The following CNTN5 variants were observed in gnomAD, a reference collection of about 807,000 sequenced individuals.
The protein encoded by CNTN5 is contactin 5.
In CNTN5, 77 loss-of-function variants were observed where a neutral mutation model predicts 129.1. That is an observed-to-expected ratio of 0.60 (90% CI 0.50 to 0.72). The LOEUF (loss-of-function observed/expected upper bound fraction) is 0.72, where lower values mean the gene tolerates loss of function less well. Ranked by LOEUF, CNTN5 falls within the 30% of genes least tolerant of loss-of-function variation. The pLI is 0.00. For missense variants in CNTN5, 1,478 were observed against 1,328.8 expected (o/e 1.11, Z -1.75); for synonymous variants, 509 against 465.6 (o/e 1.09, Z -1.20).
chr11:99,396,461 C>T (rs1191670253), intron 2 of CNTN5, among the ~76,000 whole-genome samples: 2 of 151,224 alleles, frequency 1.3e-5, no homozygotes, highest in East Asian at 3.9e-4. Flanking sequence ...TAAAACAGGA[C>T]CTGTTTTTAT....
At position 99,407,445 on chromosome 11, in the gene CNTN5, T is replaced by TA. The variant is rs1555137285; in HGVS notation, c.-71+81961_-71+81962insA. Among the ~76,000 whole-genome samples the TA allele has an allele frequency of 1.3e-5, 2 of 151,910 alleles. 1 individual carries two copies. The highest frequency in any genetic ancestry group is 4.1e-4 in the South Asian group (2 of 4,828). ...TATCCAAGATGCAAGGCAAAGTCCT[T>TA]CCACTCTTCTGTCTCCTCTCCTAAA... On this transcript the variant is annotated intron_variant, in intron 2 of 24. Coordinates refer to ENST00000524871, the MANE Select transcript of CNTN5 (RefSeq NM_014361.4).
At chr11:99,409,712 G>C (rs1375778379) in intron 2 of CNTN5, among the ~76,000 whole-genome samples, 4 of 152,176 alleles carry the variant, frequency 2.6e-5, no homozygotes, top group Non-Finnish European at 5.9e-5. Context: ...ATGGAACCGA[G>C]TGAACTCGTT....
chr11:99,239,709 G>A (rs984538226), intron 1 of CNTN5, among the ~76,000 whole-genome samples: 14 of 152,152 alleles, frequency 9.2e-5, no homozygotes. Flanking sequence ...GCCGAGGCGG[G>A]CGGATCACGA....
intron 1 of CNTN5, among the ~76,000 whole-genome samples, chr11:99,241,934 A>G (rs1290115346): frequency 1.3e-5 from 2 of 152,080 alleles, no homozygotes; most frequent in Non-Finnish European, 2.9e-5. Context: ...ACACACATAC[A>G]TACACACACA....
At chr11:99,107,593 T>A (rs937744443) in intron 1 of CNTN5, among the ~76,000 whole-genome samples, 10 of 152,148 alleles carry the variant, frequency 6.6e-5, no homozygotes, top group African/African-American at 2.4e-4. Context: ...GCAATGAGCT[T>A]AAAGTTTACA....
At chr11:99,315,833 G>A (rs930897952) in intron 1 of CNTN5, among the ~76,000 whole-genome samples, 1 of 148,812 alleles carries the variant, frequency 6.7e-6, no homozygotes, top group African/African-American at 2.4e-5. Context: ...TTTTCATAGA[G>A]TATTTCTTTT....
At chr11:99,283,874 A>C (rs1483663792) in intron 1 of CNTN5, among the ~76,000 whole-genome samples, 1 of 152,170 alleles carries the variant, frequency 6.6e-6, no homozygotes, top group Non-Finnish European at 1.5e-5. Context: ...AAAAGGGTTA[A>C]CTGATACCAT....
At chr11:100,303,375 A>G (rs1951272506) in intron 20 of CNTN5, among the ~76,000 whole-genome samples, 1 of 151,616 alleles carries the variant, frequency 6.6e-6, no homozygotes, top group African/African-American at 2.4e-5. Context: ...CCAAGATAAA[A>G]AATTAAATTG....
intron 3 of CNTN5, among the ~76,000 whole-genome samples, chr11:99,718,647 A>G (rs1263906228): frequency 6.6e-6 from 1 of 152,160 alleles, no homozygotes; most frequent in Non-Finnish European, 1.5e-5. Context: ...CTTGAGAAGA[A>G]CAGAATATGA....
intron 2 of CNTN5, among the ~76,000 whole-genome samples, chr11:99,374,068 T>G (rs563069340): frequency 4.6e-5 from 7 of 152,290 alleles, no homozygotes; most frequent in Non-Finnish European, 8.8e-5. Flanking sequence ...ATTTCACTGT[T>G]TTTCAGAACC....
intron 13 of CNTN5, among the ~76,000 whole-genome samples, chr11:100,176,876 GTA>G (rs1491020001): frequency 1.4e-5 from 2 of 143,692 alleles, no homozygotes; most frequent in South Asian, 2.3e-4. Flanking sequence ...GTGTGTGTGT[GTA>G]TAAAATGCAT....
intron 9 of CNTN5, among the ~76,000 whole-genome samples, chr11:100,033,867 T>C (rs948538025): frequency 2.0e-5 from 3 of 152,196 alleles, no homozygotes; most frequent in African/African-American, 7.2e-5. Context: ...CCAGAGATAA[T>C]TGAAAGTCTC....
chr11:100,230,624 C>A (rs891034314), intron 16 of CNTN5, among the ~76,000 whole-genome samples: 4 of 152,118 alleles, frequency 2.6e-5, no homozygotes, highest in African/African-American at 9.7e-5. Context: ...ATGAAATGAG[C>A]AAACAGATGA....
intron 1 of CNTN5, among the ~76,000 whole-genome samples, chr11:99,197,633 G>A (rs1461688): frequency 0.55 from 82,826 of 151,764 alleles, 23,158 homozygotes; most frequent in African/African-American, 0.68. Flanking sequence ...CAGTTTTACA[G>A]CTTCACAGCA....
intron 9 of CNTN5, among the ~76,000 whole-genome samples, chr11:100,042,903 A>G (rs944261751): frequency 2.0e-5 from 3 of 152,192 alleles, no homozygotes; most frequent in South Asian, 4.1e-4. Context: ...ATGAAAATCA[A>G]ATGTGTAGTT....
At chr11:99,734,968 A>C (rs1166035466) in intron 3 of CNTN5, among the ~76,000 whole-genome samples, 1 of 152,222 alleles carries the variant, frequency 6.6e-6, no homozygotes, top group African/African-American at 2.4e-5. Flanking sequence ...AGATAGCACC[A>C]CTGCAGTCCG....
At chr11:100,229,539 T>C (rs1317294205) in intron 16 of CNTN5, among the ~76,000 whole-genome samples, 1 of 152,222 alleles carries the variant, frequency 6.6e-6, no homozygotes, top group Non-Finnish European at 1.5e-5. Context: ...TGATTCTCAC[T>C]AGCAAGAGAG....
At chr11:100,341,063 G>A (rs756273084) in intron 22 of CNTN5, 30 bp from the exon 23 acceptor site, 2 of 1,396,120 alleles carry the variant, frequency 1.4e-6, no homozygotes, top group African/African-American at 1.4e-5. Flanking sequence ...AAGAATCCTT[G>A]TCAGTTCACT....
At chr11:99,336,285 G>A (rs771643564) in intron 2 of CNTN5, among the ~76,000 whole-genome samples, 6 of 152,086 alleles carry the variant, frequency 3.9e-5, no homozygotes, top group Non-Finnish European at 7.3e-5. Context: ...CAACCTAAGG[G>A]TATAATTTGT....
Sources: gnomAD v4.1 joint callset for allele counts (sites outside exome capture counted in the v4.1 genomes callset) on GRCh38, gnomAD v4.1.1 for gene constraint, MANE v1.5 for transcripts, NCBI Gene and HGNC (gene_info 2026-07-23, HGNC 2026-07-21) for gene names.